The following CTNNA3 variants were observed in gnomAD, a reference collection of about 807,000 sequenced individuals.
CTNNA3 encodes catenin alpha 3, also known as catenin alpha-3.
Under a neutral mutation model 95.7 loss-of-function variants are expected in CTNNA3, and 76 were observed. The ratio of observed to expected loss-of-function variants is 0.79; its 90% CI spans 0.66 to 0.96. The LOEUF is 0.96. CTNNA3 is among the 40% of genes least tolerant of loss of function. The probability of loss-of-function intolerance (pLI) is 0.00; values close to 1 mark genes in which losing one functional copy is unlikely to be tolerated. For missense variants in CTNNA3, 1,191 were observed against 1,089.8 expected (o/e 1.09, Z -1.31); for synonymous variants, 431 against 374.4 (o/e 1.15, Z -1.74).
chr10:66,622,892 A>C (rs1844800760), intron 9 of CTNNA3, among the ~76,000 whole-genome samples: 1 of 152,142 alleles, frequency 6.6e-6, no homozygotes, highest in South Asian at 2.1e-4. Flanking sequence ...CATTTCTTTT[A>C]ATATGCCAAT....
chr10:66,032,831 G>A (rs1212334852), intron 15 of CTNNA3, among the ~76,000 whole-genome samples: 4 of 152,136 alleles, frequency 2.6e-5, no homozygotes, highest in African/African-American at 9.7e-5. Flanking sequence ...GCATATTCAT[G>A]TATATTATTT....
rs185928835 is a variant in CTNNA3 at position 67,264,807 on chromosome 10, T to C, written c.580-44937A>G. Among the ~76,000 whole-genome samples the C allele has an allele frequency of 5.8e-3, 882 of 152,238 alleles. 7 individuals carry two copies. Among genetic ancestry groups the C allele is most frequent in the Non-Finnish European group, 0.01 (692 of 68,006 alleles). On this transcript the variant is annotated intron_variant, in intron 5 of 17. Coordinates refer to ENST00000433211, the MANE Select transcript of CTNNA3 (RefSeq NM_013266.4). Reference sequence around the variant, plus strand: ...AAAGTAACTTAATAACAAAGTACAATATACATCCCAAATTGCTCAACAGTT... The same window carrying C: ...AAAGTAACTTAATAACAAAGTACAACATACATCCCAAATTGCTCAACAGTT...
intron 7 of CTNNA3, among the ~76,000 whole-genome samples, chr10:66,974,115 T>C (rs986824135): frequency 1.3e-5 from 2 of 152,172 alleles, no homozygotes; most frequent in Non-Finnish European, 2.9e-5. Context: ...CCCTACCAGA[T>C]AGCCACTGAT....
chr10:66,572,864 G>A (rs138688428), intron 10 of CTNNA3, among the ~76,000 whole-genome samples: 3 of 152,236 alleles, frequency 2.0e-5, no homozygotes, highest in East Asian at 3.9e-4. Context: ...TGCCAAAGAC[G>A]TGTGTGCAAA....
At chr10:66,103,045 CT>C (rs2133744422) in intron 14 of CTNNA3, 111 bp downstream of exon 14, 1 of 804,140 alleles carries the variant, frequency 1.2e-6, no homozygotes, top group African/African-American at 1.7e-5. Context: ...CTTCACAGAA[CT>C]AGCTCCAGAT....
rs1342526949 is a variant in CTNNA3 at position 67,031,168 on chromosome 10, G to T, written c.1047+149149C>A. On this transcript the variant is annotated intron_variant, in intron 7 of 17. Coordinates refer to ENST00000433211, the MANE Select transcript of CTNNA3 (RefSeq NM_013266.4). ...ACTTAATAAAGTTGTATTATTCCAG[G>T]TATAAATAAAACCCTCTGATTTATA... 2.6e-5 allele frequency among the ~76,000 whole-genome samples: 4 copies of T among 151,930 alleles called. No individual in the cohort carries two copies. The East Asian group carries it at 7.7e-4, about 29-fold the overall frequency.
intron 7 of CTNNA3, among the ~76,000 whole-genome samples, chr10:67,024,002 A>G (rs992029101): frequency 2.6e-5 from 4 of 152,212 alleles, no homozygotes; most frequent in African/African-American, 9.6e-5. Flanking sequence ...TCTTGCTGCT[A>G]TAACATATTA....
At chr10:67,626,077 G>T (rs542517998) in intron 2 of CTNNA3, among the ~76,000 whole-genome samples, 1 of 151,794 alleles carries the variant, frequency 6.6e-6, no homozygotes, top group South Asian at 2.1e-4. Context: ...AAATACTCAG[G>T]AGACTGAGAC....
rs557974960 is a variant in CTNNA3 at position 66,443,380 on chromosome 10, C to T, written c.1532-64028G>A. Among the ~76,000 whole-genome samples the T allele has an allele frequency of 8.9e-4, 135 of 152,262 alleles. 1 individual carries two copies. Among genetic ancestry groups the T allele is most frequent in the Admixed American group, 7.7e-3 (118 of 15,290 alleles). On this transcript the variant is annotated intron_variant, in intron 11 of 17. Transcript: ENST00000433211. Reference sequence around the variant, plus strand: ...CCTCCTTAAGTGGGTGTCTGACCCCCGAGCAGCCTAACTGGGAGGCGCCCC... The same window carrying T: ...CCTCCTTAAGTGGGTGTCTGACCCCTGAGCAGCCTAACTGGGAGGCGCCCC...
At chr10:65,963,532 A>G (rs1564543937) in intron 17 of CTNNA3, among the ~76,000 whole-genome samples, 1 of 152,196 alleles carries the variant, frequency 6.6e-6, no homozygotes, top group Admixed American at 6.5e-5. Context: ...CACTTGCTAT[A>G]CATGTACATT....
At chr10:67,572,167 T>C (rs1031813974) in intron 3 of CTNNA3, among the ~76,000 whole-genome samples, 1 of 152,220 alleles carries the variant, frequency 6.6e-6, no homozygotes, top group Non-Finnish European at 1.5e-5. Flanking sequence ...TTTACCTTTT[T>C]TTACATTTTA....
chr10:66,366,311 T>C (rs372384905), intron 12 of CTNNA3, among the ~76,000 whole-genome samples: 3 of 152,180 alleles, frequency 2.0e-5, no homozygotes, highest in Admixed American at 6.6e-5. Context: ...AATAAATCTT[T>C]AGTCACTAAG....
chr10:67,062,981 T>G (rs1026206062), intron 7 of CTNNA3, among the ~76,000 whole-genome samples: 1 of 152,172 alleles, frequency 6.6e-6, no homozygotes, highest in Non-Finnish European at 1.5e-5. Context: ...TTGTTTTTTT[T>G]TCTGATCGTT....
chr10:66,263,944 T>C (rs1465594859), intron 13 of CTNNA3, among the ~76,000 whole-genome samples: 1 of 152,060 alleles, frequency 6.6e-6, no homozygotes, highest in Non-Finnish European at 1.5e-5. Context: ...CGGTTTTCTA[T>C]CTTTCCCAGT....
intron 5 of CTNNA3, among the ~76,000 whole-genome samples, chr10:67,291,125 C>T (rs1245610390): frequency 1.3e-5 from 2 of 152,146 alleles, no homozygotes; most frequent in African/African-American, 4.8e-5. Context: ...AAGTCTCAGT[C>T]TCCCCTTCTA....
At chr10:67,022,548 C>T (rs921259554) in intron 7 of CTNNA3, among the ~76,000 whole-genome samples, 3 of 151,948 alleles carry the variant, frequency 2.0e-5, no homozygotes, top group Non-Finnish European at 4.4e-5. Flanking sequence ...ACTATGCCTT[C>T]AAAAAAGTGA....
rs114984320 is a variant in CTNNA3, at chr10:66,277,622, G to A, written c.1884+2848C>T. ...ATTTTTATGCTATAACCCAGTTAGCGATTAAGTCCATAAGTTTATGGATCA... is the reference window on the plus strand; with the variant it reads ...ATTTTTATGCTATAACCCAGTTAGCAATTAAGTCCATAAGTTTATGGATCA... On this transcript the variant is annotated intron_variant, in intron 13 of 17. Coordinates refer to ENST00000433211, the MANE Select transcript of CTNNA3 (RefSeq NM_013266.4). 2.0e-3 allele frequency among the ~76,000 whole-genome samples: 297 copies of A among 152,164 alleles called. 1 individual carries two copies. The highest frequency in any genetic ancestry group is 6.8e-3 in the African/African-American group (283 of 41,530).
intron 13 of CTNNA3, among the ~76,000 whole-genome samples, chr10:66,260,928 C>T (rs1307734214): frequency 1.3e-5 from 2 of 152,008 alleles, no homozygotes; most frequent in Admixed American, 6.6e-5. Context: ...ACAGACTTTG[C>T]GGCCAAGACA....
chr10:67,372,813 G>A (rs1230992372), intron 5 of CTNNA3, among the ~76,000 whole-genome samples: 2 of 152,208 alleles, frequency 1.3e-5, no homozygotes, highest in African/African-American at 2.4e-5. Context: ...GAGACTGGGG[G>A]CCAATATTCA....
Sources: gnomAD v4.1 joint callset for allele counts (sites outside exome capture counted in the v4.1 genomes callset) on GRCh38, gnomAD v4.1.1 for gene constraint, MANE v1.5 for transcripts, NCBI Gene and HGNC (gene_info 2026-07-23, HGNC 2026-07-21) for gene names.